SNAPC1: variants seen among roughly 807,000 people sequenced by gnomAD.
SNAPC1 encodes small nuclear RNA activating complex polypeptide 1, also known as snRNA-activating protein complex subunit 1.
A neutral mutation model predicts 50.1 loss-of-function variants in SNAPC1; 42 were observed. The ratio of observed to expected loss-of-function variants is 0.84; its 90% CI spans 0.65 to 1.08. The LOEUF (loss-of-function observed/expected upper bound fraction) is 1.08. Ranked by LOEUF, SNAPC1 falls within the 50% of genes least tolerant of loss-of-function variation. The probability of loss-of-function intolerance (pLI) is 0.00; values close to 1 mark genes in which losing one functional copy is unlikely to be tolerated. For synonymous variants in SNAPC1, 164 were observed against 144.2 expected, an observed-to-expected ratio of 1.14 and a Z score of -0.98; for missense variants, 477 against 427.3, an observed-to-expected ratio of 1.12 and a Z score of -1.02.
chr14:61,765,127 A>G (rs529688515), intron 1 of SNAPC1, among the ~76,000 whole-genome samples: 1 of 152,324 alleles, frequency 6.6e-6, no homozygotes, highest in African/African-American at 2.4e-5. Flanking sequence ...ATATGCACAA[A>G]TGTGGCTTCA....
chr14:61,764,632 G>A (rs535323213), intron 1 of SNAPC1, among the ~76,000 whole-genome samples: 9 of 152,262 alleles, frequency 5.9e-5, no homozygotes, highest in Admixed American at 5.9e-4. Context: ...CTATGTATCT[G>A]CCTGTTTCTA....
Position 61,766,936 on chromosome 14 carries a change from G to A in SNAPC1, c.189G>A (p.Trp63Ter). Reference sequence around the variant, plus strand: ...CAAAAGAAGCTTTAGCTTTGGCTTGGCGATATTTTTTACCTCCATACACCT... The same window carrying A: ...CAAAAGAAGCTTTAGCTTTGGCTTGACGATATTTTTTACCTCCATACACCT... The part of the protein sequence containing the change: ...MFTKEALALA[W>*]RYFLPPYTFQ... Residue 63 changes from tryptophan to a stop codon, truncating the protein, a stop_gained, in exon 2 of 10, where the codon TGG becomes TGA. Transcript: ENST00000216294. LOFTEE classifies it high-confidence loss of function. 6.2e-7 allele frequency: 1 copy of A among 1,611,672 alleles called. No homozygotes were observed. Among genetic ancestry groups the A allele is most frequent in the Non-Finnish European group, 8.5e-7 (1 of 1,177,996 alleles).
intron 4 of SNAPC1, among the ~76,000 whole-genome samples, chr14:61,774,058 G>C (rs113414235): frequency 2.0e-5 from 3 of 152,078 alleles, no homozygotes; most frequent in African/African-American, 7.2e-5. Context: ...TAAGTAGTTT[G>C]TATAAGGTGA....
chr14:61,793,839 A>G (rs1239121046), intron 9 of SNAPC1, among the ~76,000 whole-genome samples: 1 of 151,638 alleles, frequency 6.6e-6, no homozygotes, highest in Non-Finnish European at 1.5e-5. Context: ...GTATTTTTGT[A>G]GAGATGGGGT....
intron 4 of SNAPC1, among the ~76,000 whole-genome samples, chr14:61,770,394 C>T (rs72716703): frequency 0.13 from 19,035 of 152,020 alleles, 1,427 homozygotes; most frequent in Non-Finnish European, 0.16. Flanking sequence ...AGTTGTGCAC[C>T]ACCATGCCCA....
intron 8 of SNAPC1, among the ~76,000 whole-genome samples, chr14:61,792,053 A>C (rs73326984): frequency 0.15 from 22,951 of 151,434 alleles, 2,106 homozygotes; most frequent in South Asian, 0.31. Context: ...CAATGAGCCA[A>C]GATCGCGCCA....
intron 5 of SNAPC1, 130 bp downstream of exon 5, chr14:61,776,383 C>A: frequency 1.3e-6 from 1 of 772,132 alleles, no homozygotes; most frequent in Non-Finnish European, 2.1e-6. Context: ...TAGGGCTTGG[C>A]TTTTCTAGTT....
intron 4 of SNAPC1, among the ~76,000 whole-genome samples, chr14:61,769,656 C>T (rs2044974055): frequency 6.6e-6 from 1 of 152,122 alleles, no homozygotes; most frequent in Non-Finnish European, 1.5e-5. Context: ...CTCTGTCTCC[C>T]AAAGTGCTGG....
At chr14:61,772,736 A>G (rs1295569947) in intron 4 of SNAPC1, among the ~76,000 whole-genome samples, 1 of 152,222 alleles carries the variant, frequency 6.6e-6, no homozygotes, top group Admixed American at 6.5e-5. Flanking sequence ...TAGAATGTAA[A>G]TATTTTTTCA....
chr14:61,790,480 C>A (rs113728916), intron 8 of SNAPC1, among the ~76,000 whole-genome samples: 1 of 152,124 alleles, frequency 6.6e-6, no homozygotes, highest in African/African-American at 2.4e-5. Context: ...TGATTACAGG[C>A]GCTCGCCACC....
Position 61,768,684 on chromosome 14 carries a change from G to T in SNAPC1, c.478G>T (p.Glu160Ter), listed in dbSNP as rs1345594769. The T allele has an allele frequency of 6.2e-7, 1 of 1,612,378 alleles. No individual in the cohort carries two copies. The highest frequency in any genetic ancestry group is 1.7e-5 in the Admixed American group (1 of 59,980). The change falls in exon 4 of 10, where the codon GAA becomes TAA. Residue 160 changes from glutamate (E) to a stop codon, truncating the protein, a stop_gained. Coordinates refer to ENST00000216294, the MANE Select transcript of SNAPC1 (RefSeq NM_003082.4). LOFTEE classifies it high-confidence loss of function. ...KKIHRAEVTE[E>*]FKDPSDRVMK... ...AATTCACCGAGCTGAAGTTACAGAAGAATTTAAGGACCCAAGTGATCGTGT... is the reference window on the plus strand; with the variant it reads ...AATTCACCGAGCTGAAGTTACAGAATAATTTAAGGACCCAAGTGATCGTGT...
chr14:61,777,609 TA>T lies in SNAPC1; in HGVS notation c.694-461del, dbSNP rs143421706. 2.6e-3 allele frequency among the ~76,000 whole-genome samples: 354 copies of T among 136,528 alleles called. 2 individuals carry two copies. The East Asian group carries it at 0.028, about 11-fold the overall frequency. 89.6% of individuals were successfully genotyped at this position (136,528 alleles called of 152,430 possible). Reference sequence around the variant, plus strand: ...GCCAGGGATAGAACCAGTTTAGTTTTAATTTTTTTTTTTTTTTTAGAGATGG... The same window carrying T: ...GCCAGGGATAGAACCAGTTTAGTTTTATTTTTTTTTTTTTTTTAGAGATGG... On this transcript the variant is annotated intron_variant, in intron 5 of 9. Transcript: ENST00000216294.
chr14:61,778,991 C>T (rs561779128), intron 7 of SNAPC1, 81 bp downstream of exon 7: 220 of 781,012 alleles, frequency 2.8e-4, no homozygotes, highest in East Asian at 9.9e-4. Context: ...AGTAGTAATA[C>T]ATGTACTTAG....
intron 8 of SNAPC1, among the ~76,000 whole-genome samples, chr14:61,789,715 G>T (rs892016492): frequency 3.9e-5 from 6 of 152,154 alleles, no homozygotes; most frequent in Non-Finnish European, 7.4e-5. Flanking sequence ...AAAAGTGCTG[G>T]AAAAATATGT....
chr14:61,762,981 C>CTTTTTTTTTTT lies in SNAPC1; in HGVS notation c.128+410_128+420dup, dbSNP rs145378546. On this transcript the variant is annotated intron_variant, in intron 1 of 9. Coordinates refer to ENST00000216294, the MANE Select transcript of SNAPC1 (RefSeq NM_003082.4). ...TTTTTCCTCCAACAACCAAAGTTGT[C>CTTTTTTTTTTT]TTTTTTTTTTTTTTTTTTTTTTTTT... Among the ~76,000 whole-genome samples the CTTTTTTTTTTT allele has an allele frequency of 4.1e-3, 298 of 73,042 alleles. 46 individuals carry two copies. The highest frequency in any genetic ancestry group is 9.3e-3 in the South Asian group (14 of 1,512). The allele number at this position is 73,042 out of a possible 152,430, so 47.9% of individuals were successfully genotyped here.
intron 1 of SNAPC1, among the ~76,000 whole-genome samples, chr14:61,762,984 T>TA (rs2044918721): frequency 9.6e-6 from 1 of 103,672 alleles, no homozygotes; most frequent in African/African-American, 3.7e-5. Flanking sequence ...AAGTTGTCTT[T>TA]TTTTTTTTTT....
intron 8 of SNAPC1, among the ~76,000 whole-genome samples, chr14:61,791,501 T>C (rs2045152021): frequency 6.6e-6 from 1 of 152,148 alleles, no homozygotes; most frequent in Non-Finnish European, 1.5e-5. Flanking sequence ...TCCTGACAAG[T>C]CATGGTCACC....
At chr14:61,791,696 G>T (rs1315685703) in intron 8 of SNAPC1, among the ~76,000 whole-genome samples, 1 of 152,054 alleles carries the variant, frequency 6.6e-6, no homozygotes, top group Non-Finnish European at 1.5e-5. Context: ...TACAAATACA[G>T]AAATTAGCTG....
chr14:61,767,349 A>G lies in SNAPC1; in HGVS notation c.426A>G (p.Lys142=). 6.9e-7 allele frequency: 1 copy of G among 1,459,840 alleles called. No homozygotes were observed. Among genetic ancestry groups the G allele is most frequent in the Non-Finnish European group, 9.1e-7 (1 of 1,100,416 alleles). The allele number at this position is 1,459,840 out of a possible 1,614,324, so 90.4% of individuals were successfully genotyped here. The change falls in exon 3 of 10, where the codon AAA becomes AAG. Residue 142 remains lysine, a synonymous_variant. Coordinates refer to ENST00000216294, the MANE Select transcript of SNAPC1 (RefSeq NM_003082.4). ...DRAFHFTAMP[K]LLSYRMKKKI... is the part of the protein sequence containing the mutation. ...CATTTCACTTTACAGCAATGCCCAA[A>G]TTGGTATGTTGCCTAAAATAATTTG... is the stretch of plus-strand genomic sequence containing the variant.
Sources: gnomAD v4.1 joint callset for allele counts (sites outside exome capture counted in the v4.1 genomes callset) on GRCh38, gnomAD v4.1.1 for gene constraint, MANE v1.5 for transcripts, NCBI Gene and HGNC (gene_info 2026-07-23, HGNC 2026-07-21) for gene names.